Variants in DTHD1 observed in about 807,000 individuals in gnomAD.
The protein encoded by DTHD1 is death domain containing 1, also known as death domain-containing protein 1.
DTHD1 carries 59 observed loss-of-function variants against 74.8 expected under a neutral mutation model. That is an observed-to-expected ratio of 0.79 (90% confidence interval 0.64 to 0.98). The LOEUF is 0.98. Among genes scored for constraint, DTHD1 ranks in the 50% least tolerant of loss-of-function variants. The pLI, the probability that DTHD1 is intolerant of heterozygous loss-of-function variation, is 0.00. For missense variants in DTHD1, 1,051 were observed against 1,065.4 expected, an observed-to-expected ratio of 0.99 and a Z score of 0.19; for synonymous variants, 365 against 371.1, an observed-to-expected ratio of 0.98 and a Z score of 0.19.
intron 5 of DTHD1, among the ~76,000 whole-genome samples, chr4:36,300,642 C>CTAAATTTGTTATTT (rs386399775): frequency 6.6e-6 from 1 of 152,112 alleles, no homozygotes; most frequent in Non-Finnish European, 1.5e-5. Context: ...AAAGATTATT[C>CTAAATTTGTTATTT]TAAATTTGTT....
intron 9 of DTHD1, among the ~76,000 whole-genome samples, chr4:36,342,858 G>A (rs1473476585): frequency 2.1e-5 from 3 of 146,150 alleles, no homozygotes; most frequent in Admixed American, 7.1e-5. Context: ...GGCAGATCAC[G>A]AGGTCAGAAG....
intron 7 of DTHD1, chr4:36,311,757 G>A (rs1056253699): frequency 3.3e-5 from 5 of 151,682 alleles, no homozygotes; most frequent in African/African-American, 1.2e-4. Context: ...TCCTATTGGA[G>A]GGCAGCATTC....
rs1377817184 is a variant in DTHD1, at chr4:36,290,397, T to C, written c.912T>C (p.Val304=). The change falls in exon 3 of 10, where the codon GTT becomes GTC. Residue 304 remains valine, a synonymous_variant. Transcript: ENST00000639862. ...GGTATCTTGATGTGCTGAGTGATGT[T>C]ACTGGCCCCCAAGTGTCTTGTTATA... ...EKEYLDVLSD[V]TGPQVSCYIT... The C allele has an allele frequency of 4.5e-6, 7 of 1,551,130 alleles. No individual in the cohort carries two copies. The highest frequency in any genetic ancestry group is 2.7e-5 in the African/African-American group (2 of 73,042).
At chr4:36,314,606 T>C (rs1452412924) in intron 7 of DTHD1, among the ~76,000 whole-genome samples, 1 of 151,474 alleles carries the variant, frequency 6.6e-6, no homozygotes, top group Non-Finnish European at 1.5e-5. Flanking sequence ...AGCTTGAGCT[T>C]GGGAGGTGGA....
chr4:36,282,239 C>T (rs771924951), intron 1 of DTHD1, among the ~76,000 whole-genome samples: 1 of 152,062 alleles, frequency 6.6e-6, no homozygotes, highest in Non-Finnish European at 1.5e-5. Flanking sequence ...GAATGAAGTG[C>T]TTTTGGACTT....
chr4:36,335,092 G>A (rs1028268962), intron 8 of DTHD1, among the ~76,000 whole-genome samples: 2 of 152,204 alleles, frequency 1.3e-5, no homozygotes, highest in Non-Finnish European at 2.9e-5. Context: ...TGATAGTATA[G>A]TGCATAAATT....
chr4:36,309,622 T>C (rs1038774527), intron 7 of DTHD1, among the ~76,000 whole-genome samples: 4 of 152,210 alleles, frequency 2.6e-5, no homozygotes, highest in African/African-American at 9.7e-5. Flanking sequence ...TGTTAATATA[T>C]CCTCTGAGCC....
In DTHD1 at chr4:36,306,332, A is replaced by T. The variant is rs1316849434; in HGVS notation, c.1785A>T (p.Glu595Asp). ...TACAGAGCGGCTTGGTATCAGTTGA[A>T]TTGTATGAACATTTGGAGAGGTAAT... ...KTIQSGLVSVELYEHLERFIV... is the reference protein window; with the variant it reads ...KTIQSGLVSVDLYEHLERFIV... Residue 595 changes from glutamate to aspartate, a missense_variant, in exon 6 of 10, where the codon GAA (glutamate) becomes GAT (aspartate). Coordinates refer to ENST00000639862, the MANE Select transcript of DTHD1 (RefSeq NM_001170700.3). 5 of 1,550,274 alleles carry T rather than the reference A, an allele frequency of 3.2e-6. No individual in the cohort carries two copies. The highest frequency in any genetic ancestry group is 2.4e-5 in the South Asian group (2 of 83,654).
At position 36,308,438 on chromosome 4, in the gene DTHD1, A is replaced by C. The variant is rs961141007; in HGVS notation, c.2040A>C (p.Gln680His). ...CTCCAGAGCCATCTCGTCATTTCCA[A>C]GTTCGAGAAGGAGAACAACTTCTTT... Reference protein sequence around the residue: ...GGPPEPSRHFQVREGEQLLLR... With the variant: ...GGPPEPSRHFHVREGEQLLLR... Residue 680 changes from glutamine (Q) to histidine (H), a missense_variant, in exon 7 of 10, where the codon CAA becomes CAC. Gln to His is a conservative substitution (Grantham distance 24, BLOSUM62 0). Transcript: ENST00000639862. 4.5e-6 allele frequency: 7 copies of C among 1,551,870 alleles called. No homozygotes were observed. Among genetic ancestry groups the C allele is most frequent in the Non-Finnish European group, 6.1e-6 (7 of 1,147,026 alleles).
chr4:36,288,719 C>T (rs572203794), intron 2 of DTHD1, among the ~76,000 whole-genome samples: 1 of 152,094 alleles, frequency 6.6e-6, no homozygotes, highest in Non-Finnish European at 1.5e-5. Flanking sequence ...ACTGTCTAGC[C>T]TAAATCTATT....
chr4:36,295,186 C>T, intron 5 of DTHD1, 147 bp downstream of exon 5: 1 of 1,095,682 alleles, frequency 9.1e-7, no homozygotes, highest in Non-Finnish European at 1.2e-6. Context: ...TATTGTGGAT[C>T]CACAAAAGGT....
intron 8 of DTHD1, among the ~76,000 whole-genome samples, chr4:36,332,132 T>C (rs2109559109): frequency 6.6e-6 from 1 of 151,516 alleles, no homozygotes; most frequent in Middle Eastern, 3.4e-3. Flanking sequence ...TTGCAGTGAG[T>C]CGAGATCACG....
rs1757744748 is a variant in DTHD1, at chr4:36,316,480, GCC to G, written c.2335_2336del (p.Pro779LysfsTer3). Reference sequence around the variant, plus strand: ...CAATTTGCAAATTACCATTGAAATTGCCAAAGGTGAGTTATTTTACTTTTCTA... The same window carrying G: ...CAATTTGCAAATTACCATTGAAATTGAAAGGTGAGTTATTTTACTTTTCTA... ...LPICKLPLKLPKHKKLINRPQ... is the reference protein window; with the variant it reads ...LPICKLPLKLXKHKKLINRPQ... On this transcript the variant is annotated frameshift_variant, in exon 8 of 10. Transcript: ENST00000639862. LOFTEE classifies it high-confidence loss of function. 1 of 1,546,874 alleles carries G rather than the reference GCC, an allele frequency of 6.5e-7. No individual in the cohort carries two copies. Among genetic ancestry groups the G allele is most frequent in the Non-Finnish European group, 8.7e-7 (1 of 1,145,732 alleles).
intron 7 of DTHD1, among the ~76,000 whole-genome samples, chr4:36,309,060 A>G (rs1263068723): frequency 6.6e-6 from 1 of 152,190 alleles, no homozygotes; most frequent in East Asian, 1.9e-4. Flanking sequence ...ATTTTATTTT[A>G]TATTTTTCAA....
In DTHD1 at chr4:36,306,183, T is replaced by C. The variant is rs535982672; in HGVS notation, c.1644-8T>C. The C allele has an allele frequency of 1.3e-5, 20 of 1,550,586 alleles. No homozygotes were observed. Among genetic ancestry groups the C allele is most frequent in the Admixed American group, 5.9e-5 (3 of 50,934 alleles). Reference sequence around the variant, plus strand: ...TGTACCAATATCTCTTCTGTTACCATTATATAGGACAAAAATTGCCTCCAT... The same window carrying C: ...TGTACCAATATCTCTTCTGTTACCACTATATAGGACAAAAATTGCCTCCAT... On this transcript the variant is annotated splice_polypyrimidine_tract_variant and splice_region_variant and intron_variant, in intron 5 of 9. Coordinates refer to ENST00000639862, the MANE Select transcript of DTHD1 (RefSeq NM_001170700.3).
Position 36,312,585 on chromosome 4 carries a change from T to TAA in DTHD1, c.2096-3644_2096-3643dup, listed in dbSNP as rs56071138. Among the ~76,000 whole-genome samples, 585 of 144,934 alleles carry TAA rather than the reference T, an allele frequency of 4.0e-3. 3 individuals carry two copies. The highest frequency in any genetic ancestry group is 0.011 in the South Asian group (49 of 4,544). ...GAAGACCTTTCTGGAAAGGTGACAT[T>TAA]AAAAAAAAAAAAAAGTCTCTAAGCG... is the stretch of plus-strand genomic sequence containing the variant. On this transcript the variant is annotated intron_variant, in intron 7 of 9. Coordinates refer to ENST00000639862, the MANE Select transcript of DTHD1 (RefSeq NM_001170700.3).
intron 5 of DTHD1, among the ~76,000 whole-genome samples, chr4:36,303,759 C>T (rs781114147): frequency 9.2e-5 from 14 of 152,206 alleles, no homozygotes; most frequent in Non-Finnish European, 1.5e-4. Flanking sequence ...GCAAAACTCT[C>T]AAATCCCAAG....
intron 3 of DTHD1, among the ~76,000 whole-genome samples, chr4:36,291,744 C>T (rs1756093797): frequency 6.6e-6 from 1 of 152,182 alleles, no homozygotes; most frequent in South Asian, 2.1e-4. Context: ...AGGAGAATCG[C>T]TTGAACCCGG....
chr4:36,321,801 C>T (rs1455036441), intron 8 of DTHD1, among the ~76,000 whole-genome samples: 1 of 152,108 alleles, frequency 6.6e-6, no homozygotes, highest in Non-Finnish European at 1.5e-5. Context: ...CAGCTTCCAT[C>T]AGAATAAAGG....
Sources: allele counts gnomAD v4.1 joint callset (sites outside exome capture counted in the v4.1 genomes callset), GRCh38; gene constraint gnomAD v4.1.1; transcripts MANE v1.5; gene names NCBI Gene and HGNC (gene_info 2026-07-23, HGNC 2026-07-21).